ZNF365: variants seen among roughly 807,000 people sequenced by gnomAD.
ZNF365 encodes the protein protein ZNF365.
Under a neutral mutation model 35.0 loss-of-function variants are expected in ZNF365, and 22 were observed. The ratio of observed to expected loss-of-function variants is 0.63; its 90% CI spans 0.45 to 0.90. The LOEUF is 0.90. Ranked by LOEUF, ZNF365 falls within the 40% of genes least tolerant of loss-of-function variation. The pLI, the probability that ZNF365 is intolerant of heterozygous loss-of-function variation, is 0.00. For synonymous variants in ZNF365, 188 were observed against 196.2 expected, an observed-to-expected ratio of 0.96 and a Z score of 0.35; for missense variants, 448 against 500.3, an observed-to-expected ratio of 0.90 and a Z score of 1.00.
chr10:62,395,156 A>G (rs1253181916), intron 3 of ZNF365, among the ~76,000 whole-genome samples: 1 of 152,166 alleles, frequency 6.6e-6, no homozygotes, highest in East Asian at 1.9e-4. Flanking sequence ...ATATTATTCA[A>G]AACTTTCTTT....
intron 3 of ZNF365, among the ~76,000 whole-genome samples, chr10:62,414,294 G>A (rs1278951002): frequency 1.3e-5 from 2 of 151,630 alleles, no homozygotes; most frequent in African/African-American, 2.4e-5. Flanking sequence ...CAACCTCCTG[G>A]GCTCAGAGGA....
chr10:62,417,396 C>G lies in ZNF365; in HGVS notation c.924+28820C>G, dbSNP rs537653517. 3.9e-5 allele frequency among the ~76,000 whole-genome samples: 6 copies of G among 152,132 alleles called. No homozygotes were observed. In the East Asian group the frequency reaches 1.2e-3, roughly 29 times the overall value. On this transcript the variant is annotated intron_variant, in intron 3 of 4. Coordinates refer to the ZNF365 transcript ENST00000395255. ...AAACAGAGCCTGCTATAAAAATGAA[C>G]AAAATGTCCATTCTCATCAATTTGC...
At chr10:62,418,650 C>T (rs757372445) in intron 3 of ZNF365, among the ~76,000 whole-genome samples, 1 of 151,972 alleles carries the variant, frequency 6.6e-6, no homozygotes, top group Non-Finnish European at 1.5e-5. Flanking sequence ...TATGAAAATA[C>T]GTGGGCGAAG....
intron 4 of ZNF365, among the ~76,000 whole-genome samples, chr10:62,469,961 C>T (rs7919747): frequency 0.2 from 30,310 of 152,072 alleles, 4,157 homozygotes; most frequent in African/African-American, 0.39. Context: ...ATTAAATATT[C>T]TTCTATTGTC....
chr10:62,461,927 G>C (rs1028932274), intron 4 of ZNF365, among the ~76,000 whole-genome samples: 1 of 152,130 alleles, frequency 6.6e-6, no homozygotes, highest in Non-Finnish European at 1.5e-5. Flanking sequence ...AAATCAGAAT[G>C]TTGTAAATTC....
chr10:62,436,878 C>T (rs1397711954), intron 3 of ZNF365, among the ~76,000 whole-genome samples: 14 of 152,044 alleles, frequency 9.2e-5, no homozygotes, highest in Admixed American at 7.9e-4. Context: ...GGGTTAAATG[C>T]CTAGCTCAAT....
chr10:62,459,212 T>C (rs1486495435), intron 3 of ZNF365, among the ~76,000 whole-genome samples: 1 of 152,196 alleles, frequency 6.6e-6, no homozygotes, highest in African/African-American at 2.4e-5. Context: ...GATAGACACT[T>C]TCCAGGAGAA....
intron 3 of ZNF365, among the ~76,000 whole-genome samples, chr10:62,453,155 A>G (rs1017385781): frequency 1.3e-5 from 2 of 152,248 alleles, no homozygotes; most frequent in Non-Finnish European, 2.9e-5. Context: ...AAATAAATTG[A>G]TGAGGTACAA....
intron 3 of ZNF365, among the ~76,000 whole-genome samples, chr10:62,420,637 G>GA (rs1487478480): frequency 2.0e-5 from 3 of 152,198 alleles, no homozygotes; most frequent in Non-Finnish European, 2.9e-5. Context: ...CTGGACTACA[G>GA]AAATAATACT....
rs185733795 is a variant in ZNF365, at chr10:62,471,395, C to G, written c.982-8481C>G. On this transcript the variant is annotated intron_variant, in intron 4 of 4. Coordinates refer to the ZNF365 transcript ENST00000395255. ...AAAAAAAAAAAAAAATAGGTATTCT[C>G]TCTTTCTCATAATGATTTGAAATAG... Among the ~76,000 whole-genome samples, 394 of 150,970 alleles carry G rather than the reference C, an allele frequency of 2.6e-3. 2 individuals are homozygous for G. The highest frequency in any genetic ancestry group is 4.5e-3 in the Non-Finnish European group (306 of 67,772).
intron 3 of ZNF365, among the ~76,000 whole-genome samples, chr10:62,456,964 A>C (rs919336665): frequency 2.0e-5 from 3 of 152,150 alleles, no homozygotes; most frequent in Admixed American, 6.5e-5. Flanking sequence ...TGCTGATCTT[A>C]GTAGGAGCTG....
chr10:62,469,253 C>G (rs1259074869), intron 4 of ZNF365, among the ~76,000 whole-genome samples: 3 of 152,208 alleles, frequency 2.0e-5, no homozygotes, highest in Admixed American at 2.0e-4. Context: ...CCCTCTCCAC[C>G]ATGACAATGT....
chr10:62,446,897 G>C (rs1840598881), intron 3 of ZNF365, among the ~76,000 whole-genome samples: 1 of 152,134 alleles, frequency 6.6e-6, no homozygotes, highest in Non-Finnish European at 1.5e-5. Flanking sequence ...CATCTAGGAT[G>C]CTCCTGAATC....
intron 3 of ZNF365, among the ~76,000 whole-genome samples, chr10:62,390,858 A>C (rs1220708198): frequency 5.9e-5 from 9 of 152,206 alleles, no homozygotes; most frequent in Non-Finnish European, 1.2e-4. Context: ...AAACAGATAG[A>C]GAAGAAGAGA....
chr10:62,432,363 TTTG>T (rs571857137), intron 3 of ZNF365, among the ~76,000 whole-genome samples: 364 of 152,350 alleles, frequency 2.4e-3, no homozygotes, highest in African/African-American at 8.4e-3. Context: ...GAGCCAATAC[TTTG>T]TTAATTCAAC....
intron 3 of ZNF365, among the ~76,000 whole-genome samples, chr10:62,424,270 T>C (rs765469213): frequency 5.3e-5 from 8 of 152,172 alleles, no homozygotes; most frequent in Non-Finnish European, 1.2e-4. Flanking sequence ...TTGTAAGTGA[T>C]AGGAGATGAA....
chr10:62,453,552 A>C, intron 3 of ZNF365, among the ~76,000 whole-genome samples: 1 of 152,192 alleles, frequency 6.6e-6, no homozygotes, highest in Non-Finnish European at 1.5e-5. Context: ...CACTTAGATT[A>C]ATTCCGTATC....
Position 62,400,704 on chromosome 10 carries a change from G to A in ZNF365, c.*915G>A. ...GTCGCCAAGCCCTTTCCTAAGACCT[G>A]CTTCCCGGCCAGTGTCAGTGGCCCT... On this transcript the variant is annotated 3_prime_UTR_variant, in exon 5 of 5. Transcript: ENST00000395254. 2 of 985,680 alleles carry A rather than the reference G, an allele frequency of 2.0e-6. No individual in the cohort carries two copies. The highest frequency in any genetic ancestry group is 2.4e-6 in the Non-Finnish European group (2 of 830,048). 61.1% of individuals were successfully genotyped at this position (985,680 alleles called of 1,614,324 possible).
Position 62,399,988 on chromosome 10 carries a change from T to G in ZNF365, c.*199T>G. The G allele has an allele frequency of 7.5e-7, 1 of 1,339,888 alleles. No homozygotes were observed. Among genetic ancestry groups the G allele is most frequent in the Non-Finnish European group, 9.5e-7 (1 of 1,047,858 alleles). 83.0% of individuals were successfully genotyped at this position (1,339,888 alleles called of 1,614,324 possible). On this transcript the variant is annotated 3_prime_UTR_variant, in exon 5 of 5. Transcript: ENST00000395254. ...AACCAGAATTTTATTATAACCCCCT[T>G]TTAGAAGCTTGCAAATTACAGAAAG...
Sources: allele counts gnomAD v4.1 joint callset (sites outside exome capture counted in the v4.1 genomes callset), GRCh38; gene constraint gnomAD v4.1.1; transcripts MANE v1.5; gene names NCBI Gene and HGNC (gene_info 2026-07-23, HGNC 2026-07-21).